The following NLGN4Y variants were observed in gnomAD, a reference collection of about 807,000 sequenced individuals.
NLGN4Y encodes neuroligin-4, Y-linked.
NLGN4Y carries 4 observed loss-of-function variants against 8.4 expected under a neutral mutation model. That is an observed-to-expected ratio of 0.48 (90% confidence interval 0.23 to 1.09). NLGN4Y has a LOEUF of 1.09. Among genes scored for constraint, NLGN4Y ranks in the 50% least tolerant of loss-of-function variants. The pLI is 0.19. For synonymous variants in NLGN4Y, 35 were observed against 75.6 expected, an observed-to-expected ratio of 0.46 and a Z score of 2.78; for missense variants, 90 against 192.3, an observed-to-expected ratio of 0.47 and a Z score of 3.15.
chrY:14,788,154 C>A, intron 4 of NLGN4Y, among the ~76,000 whole-genome samples: 1 of 33,955 alleles, frequency 2.9e-5, no homozygotes, highest in Non-Finnish European at 7.3e-5. Flanking sequence ...GGAGGATTCA[C>A]ACTGCCTGCA....
At chrY:14,662,811 A>G in intron 2 of NLGN4Y, among the ~76,000 whole-genome samples, 1 of 33,218 alleles carries the variant, frequency 3.0e-5, no homozygotes, top group East Asian at 7.9e-4. Flanking sequence ...ATGCGTAATG[A>G]TCGTATCACA....
At chrY:14,546,304 C>T (rs2080172353) in intron 1 of NLGN4Y, among the ~76,000 whole-genome samples, 1 of 32,968 alleles carries the variant, frequency 3.0e-5, no homozygotes. Context: ...TTTTTTCCAA[C>T]TCTGTGAAGA....
chrY:14,830,891 C>T (rs2043177260), intron 6 of NLGN4Y, among the ~76,000 whole-genome samples: 1 of 33,694 alleles, frequency 3.0e-5, no homozygotes, highest in African/African-American at 1.2e-4. Context: ...TGAAGAGACA[C>T]AGTCTCACTC....
chrY:14,757,059 C>T, intron 4 of NLGN4Y, among the ~76,000 whole-genome samples: 1 of 28,434 alleles, frequency 3.5e-5, no homozygotes, highest in Non-Finnish European at 8.1e-5. Flanking sequence ...TTCTTCTGTT[C>T]TGAAAATAGT....
chrY:14,718,620 CT>C, intron 2 of NLGN4Y, among the ~76,000 whole-genome samples: 1 of 33,612 alleles, frequency 3.0e-5, no homozygotes, highest in East Asian at 7.7e-4. Flanking sequence ...TGCATTTTGC[CT>C]ATATTAAATT....
chrY:14,779,906 C>T (rs770820152), intron 4 of NLGN4Y, among the ~76,000 whole-genome samples: 5 of 33,254 alleles, frequency 1.5e-4, no homozygotes, highest in African/African-American at 4.7e-4. Context: ...CACTCAAGAA[C>T]GTTGTTCCCA....
At chrY:14,716,905 A>T in intron 2 of NLGN4Y, among the ~76,000 whole-genome samples, 1 of 34,209 alleles carries the variant, frequency 2.9e-5, no homozygotes, top group Admixed American at 2.7e-4. Context: ...CAAAGAGAGT[A>T]TACATGAGAA....
chrY:14,529,776 C>T (rs2080104538), intron 1 of NLGN4Y, among the ~76,000 whole-genome samples: 1 of 31,541 alleles, frequency 3.2e-5, no homozygotes, highest in Non-Finnish European at 7.6e-5. Context: ...AGACAATATG[C>T]CCTCATGCCC....
intron 1 of NLGN4Y, among the ~76,000 whole-genome samples, chrY:14,549,624 A>T: frequency 3.0e-5 from 1 of 33,168 alleles, no homozygotes; most frequent in South Asian, 6.8e-4. Context: ...CAATTTATTC[A>T]TTACTGAGGG....
chrY:14,803,663 A>G (rs2150584761), intron 4 of NLGN4Y, among the ~76,000 whole-genome samples: 2 of 32,789 alleles, frequency 6.1e-5, no homozygotes, highest in East Asian at 1.6e-3. Flanking sequence ...CAGAATGAGT[A>G]AAAGCCTAGG....
intron 5 of NLGN4Y, among the ~76,000 whole-genome samples, chrY:14,826,186 G>T: frequency 1.2e-4 from 4 of 33,294 alleles, no homozygotes; most frequent in African/African-American, 4.7e-4. Flanking sequence ...TACCTGGCCA[G>T]GTACAAATGA....
At chrY:14,654,467 T>G in intron 2 of NLGN4Y, among the ~76,000 whole-genome samples, 1 of 33,219 alleles carries the variant, frequency 3.0e-5, no homozygotes, top group Non-Finnish European at 7.4e-5. Context: ...TCTGCCACTT[T>G]GTTTTATATT....
intron 2 of NLGN4Y, among the ~76,000 whole-genome samples, chrY:14,710,459 C>T: frequency 2.9e-5 from 1 of 33,974 alleles, no homozygotes; most frequent in Admixed American, 2.7e-4. Flanking sequence ...GAGCTGGAAG[C>T]TGCAGTGAGC....
At chrY:14,816,438 C>G in intron 4 of NLGN4Y, among the ~76,000 whole-genome samples, 1 of 34,402 alleles carries the variant, frequency 2.9e-5, no homozygotes, top group Non-Finnish European at 7.3e-5. Flanking sequence ...TGCAATAACT[C>G]CATGATTTCC....
intron 2 of NLGN4Y, among the ~76,000 whole-genome samples, chrY:14,641,071 C>T: frequency 6.1e-5 from 2 of 32,879 alleles, no homozygotes; most frequent in Non-Finnish European, 1.5e-4. Context: ...TAAAAGTTGG[C>T]CACCCTTTCC....
At chrY:14,738,075 GCTTGCTTGGC>G (rs2080995473) in intron 4 of NLGN4Y, among the ~76,000 whole-genome samples, 1 of 32,097 alleles carries the variant, frequency 3.1e-5, no homozygotes, top group Non-Finnish European at 7.6e-5. Context: ...GATGGCTTTT[GCTTGCTTGGC>G]GTATGGTAAA....
At chrY:14,628,344 A>G (rs2080536164) in intron 2 of NLGN4Y, among the ~76,000 whole-genome samples, 1 of 34,077 alleles carries the variant, frequency 2.9e-5, no homozygotes, top group African/African-American at 1.1e-4. Context: ...CTATTACTTA[A>G]GTAAACATGC....
intron 2 of NLGN4Y, among the ~76,000 whole-genome samples, chrY:14,655,198 A>G: frequency 3.1e-5 from 1 of 32,361 alleles, no homozygotes; most frequent in Admixed American, 2.9e-4. Context: ...ATACTCAAAA[A>G]TCAGAATTTA....
chrY:14,548,639 A>C (rs2080180877), intron 1 of NLGN4Y, among the ~76,000 whole-genome samples: 1 of 32,579 alleles, frequency 3.1e-5, no homozygotes, highest in Non-Finnish European at 7.5e-5. Context: ...TTTTTTTCTC[A>C]CAATAGGCAG....
Sources: gnomAD v4.1 joint callset for allele counts (sites outside exome capture counted in the v4.1 genomes callset) on GRCh38, gnomAD v4.1.1 for gene constraint, MANE v1.5 for transcripts, NCBI Gene and HGNC (gene_info 2026-07-23, HGNC 2026-07-21) for gene names.